FLNA: variants seen among roughly 807,000 people sequenced by gnomAD.
FLNA encodes the protein filamin A, also known as filamin-A.
FLNA carries 7 observed loss-of-function variants against 157.6 expected under a neutral mutation model. The ratio of observed to expected loss-of-function variants is 0.04; its 90% CI spans 0.03 to 0.08. The LOEUF is 0.08. Ranked by LOEUF, FLNA falls within the 10% of genes least tolerant of loss-of-function variation. The pLI is 1.00. For missense variants in FLNA, 1,750 were observed against 2,398.4 expected (o/e 0.73, Z 5.65); for synonymous variants, 1,103 against 1,060.8 (o/e 1.04, Z -0.77).
rs2067608382 is a variant in FLNA at position 154,350,196 on chromosome X, C to T, written c.7168G>A (p.Val2390Met). 1.7e-6 allele frequency: 2 copies of T among 1,211,601 alleles called. No individual in the cohort carries two copies. Among genetic ancestry groups the T allele is most frequent in the Non-Finnish European group, 2.2e-6 (2 of 895,260 alleles). Residue 2390 changes from valine (V) to methionine (M), a missense_variant, in exon 45 of 48, where the codon GTG becomes ATG. By Grantham distance (21) the Val-to-Met change is conservative. Transcript: ENST00000369850. Reference protein sequence around the residue: ...VTEIDQDKYAVRFIPRENGVY... With the variant: ...VTEIDQDKYAMRFIPRENGVY... The stretch of plus-strand genomic sequence containing the variant: ...CCATTCTCCCGAGGGATGAAGCGCA[C>T]AGCATACTTATCTGAGGAGCAGGGA...
At chrX:154,364,424 T>G (rs1557178708) in intron 13 of FLNA, 52 bp from the exon 14 acceptor site, 1 of 1,190,364 alleles carries the variant, frequency 8.4e-7, no homozygotes, top group East Asian at 3.0e-5. Context: ...CTGCCAGAGC[T>G]ACAACCCAGG....
Position 154,353,609 on chromosome X carries a change from T to C in FLNA, c.5805A>G (p.Leu1935=). 8.3e-7 allele frequency: 1 copy of C among 1,211,643 alleles called. No homozygotes were observed. Among genetic ancestry groups the C allele is most frequent in the African/African-American group, 1.7e-5 (1 of 57,896 alleles). The change falls in exon 36 of 48, where the codon CTA becomes CTG. Residue 1935 remains leucine (L), a synonymous_variant. Transcript: ENST00000369850. The stretch of plus-strand genomic sequence containing the variant: ...GGACGTGCTGTTCATTGTACTTGAC[T>C]AGAATGCTGTAGTCCCCCGGCAGCA... ...LPVLPGDYSI[L]VKYNEQHVPG... is the part of the protein sequence containing the mutation.
rs3819330 is a variant in FLNA at position 154,361,534 on chromosome X, T to C, written c.2981A>G (p.Lys994Arg). The C allele has an allele frequency of 5.5e-5, 66 of 1,209,576 alleles. 1 individual carries two copies. In the East Asian group the frequency reaches 1.9e-3, roughly 35 times the overall value. The change falls in exon 21 of 48, where the codon AAA (lysine) becomes AGA (arginine). Residue 994 changes from lysine (K) to arginine (R), a missense_variant. Around this residue, in one of 5 missense-constraint regions of FLNA, gnomAD observed 648 missense variants for 805.8 expected, o/e 0.80. Coordinates refer to ENST00000369850, the MANE Select transcript of FLNA (RefSeq NM_001110556.2). ...DVGKDQEFTV[K>R]SKGAGGQGKV... is the part of the protein sequence containing the mutation. ...GCCTTGACCACCAGCACCCTTTGAT[T>C]TGACTGTGAACTCCTGGTCTTTGCC...
rs782670070 is a variant in FLNA, at chrX:154,359,319, G to A, written c.4230C>T (p.Cys1410=). The part of the protein sequence containing the change: ...MSCMDNKDGS[C]SVEYIPYEAG... ...CCTCATAAGGGATGTACTCGACCGAGCAGCTGCCGTCCTTGTTATCCATGC... is the reference window on the plus strand; with the variant it reads ...CCTCATAAGGGATGTACTCGACCGAACAGCTGCCGTCCTTGTTATCCATGC... Residue 1410 remains cysteine, a synonymous_variant, in exon 25 of 48, where the codon TGC becomes TGT. Transcript: ENST00000369850. The A allele has an allele frequency of 8.3e-7, 1 of 1,211,275 alleles. No individual in the cohort carries two copies. Among genetic ancestry groups the A allele is most frequent in the African/African-American group, 1.7e-5 (1 of 57,948 alleles).
chrX:154,358,112 C>T (rs185707025), intron 28 of FLNA, 87 bp downstream of exon 28: 21 of 1,052,407 alleles, frequency 2.0e-5, no homozygotes, highest in East Asian at 6.1e-5. Context: ...GGTGCAGCTC[C>T]GCAGGGAGAT....
Position 154,352,565 on chromosome X carries a change from G to A in FLNA, c.6490C>T (p.Leu2164=). ...CCACAGCCCCTACCAGGGATTTTCA[G>A]GCTGAGGTCACAATGACTACCAACG... The part of the protein sequence containing the change: ...ANVGSHCDLS[L]KIPEISIQDM... The change falls in exon 40 of 48, where the codon CTG becomes TTG. Residue 2164 remains leucine (L), a synonymous_variant. Coordinates refer to ENST00000369850, the MANE Select transcript of FLNA (RefSeq NM_001110556.2). The A allele has an allele frequency of 8.3e-7, 1 of 1,211,782 alleles. No homozygotes were observed. The highest frequency in any genetic ancestry group is 1.1e-6 in the Non-Finnish European group (1 of 895,600).
Position 154,359,283 on chromosome X carries a change from G to A in FLNA, c.4266C>T (p.Tyr1422=). 8.3e-7 allele frequency: 1 copy of A among 1,211,420 alleles called. No individual in the cohort carries two copies. The highest frequency in any genetic ancestry group is 1.1e-6 in the Non-Finnish European group (1 of 895,538). ...VEYIPYEAGT[Y]SLNVTYGGHQ... is the part of the protein sequence containing the mutation. ...GGCCACCATAGGTGACGTTGAGGCT[G>A]TAGGTGCCAGCCTCATAAGGGATGT... is the stretch of plus-strand genomic sequence containing the variant. The change falls in exon 25 of 48, where the codon TAC becomes TAT. Residue 1422 remains tyrosine (Y), a synonymous_variant. Transcript: ENST00000369850.
Position 154,366,670 on chromosome X carries a change from C to G in FLNA, c.988-31G>C, listed in dbSNP as rs781787399. On this transcript the variant is annotated intron_variant, in intron 6 of 47. Transcript: ENST00000369850. Reference sequence around the variant, plus strand: ...GTGGGAAGGAGCCTGTGAGCCTTTGCTAAGAGCAGCCCCACTGAAAGGGAG... The same window carrying G: ...GTGGGAAGGAGCCTGTGAGCCTTTGGTAAGAGCAGCCCCACTGAAAGGGAG... The G allele has an allele frequency of 1.7e-5, 20 of 1,205,351 alleles. No individual in the cohort carries two copies. The South Asian group carries it at 3.5e-4, about 21-fold the overall frequency.
chrX:154,358,634 C>T (rs1254703635), intron 26 of FLNA, 66 bp from the exon 27 acceptor site: 10 of 1,162,626 alleles, frequency 8.6e-6, no homozygotes, highest in Non-Finnish European at 1.2e-5. Flanking sequence ...CCCCACCACA[C>T]TGGACGGCCA....
chrX:154,359,835 G>C lies in FLNA; in HGVS notation c.3876C>G (p.His1292Gln). 8.3e-7 allele frequency: 1 copy of C among 1,210,692 alleles called. No individual in the cohort carries two copies. The highest frequency in any genetic ancestry group is 1.1e-6 in the Non-Finnish European group (1 of 895,054). ...AGGGGTTGGCCACACGGGCCTTGAC[G>C]TGCGGCCCTCCGGTCTGTGTCAGAG... The part of the protein sequence containing the change: ...ARALTQTGGP[H>Q]VKARVANPSG... The change falls in exon 23 of 48, where the codon CAC becomes CAG. Residue 1292 changes from histidine to glutamine, a missense_variant. Physicochemically the swap from His to Gln is conservative, Grantham distance 24. Coordinates refer to ENST00000369850, the MANE Select transcript of FLNA (RefSeq NM_001110556.2).
At position 154,354,213 on chromosome X, in the gene FLNA, T is replaced by C. The variant is rs782803904; in HGVS notation, c.5495A>G (p.Tyr1832Cys). ...DNKDGTVTVR[Y>C]APSEAGLHEM... The stretch of plus-strand genomic sequence containing the variant: ...GTGCAGGCCAGCCTCGCTGGGTGCA[T>C]ACCGCACGGTCACGGTGCCGTCTTT... Residue 1832 changes from tyrosine (Y) to cysteine (C), a missense_variant, in exon 34 of 48, where the codon TAT becomes TGT. By Grantham distance (194) the Tyr-to-Cys change is radical (BLOSUM62 -2). Transcript: ENST00000369850. 3 of 1,211,507 alleles carry C rather than the reference T, an allele frequency of 2.5e-6. No homozygotes were observed. The highest frequency in any genetic ancestry group is 1.7e-5 in the African/African-American group (1 of 57,947).
chrX:154,363,135 G>A (rs923646008), intron 15 of FLNA, among the ~76,000 whole-genome samples: 6 of 112,451 alleles, frequency 5.3e-5, no homozygotes, highest in African/African-American at 1.3e-4. Context: ...TAAATGAAGC[G>A]GCCGGACGTG....
rs782696220 is a variant in FLNA, at chrX:154,366,618, C to T, written c.1009G>A (p.Asp337Asn). 1.7e-6 allele frequency: 2 copies of T among 1,211,730 alleles called. No individual in the cohort carries two copies. The highest frequency in any genetic ancestry group is 2.2e-6 in the Non-Finnish European group (2 of 895,275). ...CAGACGGAGAAGGTGCGGTTCTTGT[C>T]GTTATTGGCGGTCACTTTTGCCTGC... ...QEEAKVTANN[D>N]KNRTFSVWYV... The change falls in exon 7 of 48, where the codon GAC (aspartate) becomes AAC (asparagine). Residue 337 changes from aspartate (D) to asparagine (N), a missense_variant. By Grantham distance (23) the Asp-to-Asn change is conservative. Coordinates refer to ENST00000369850, the MANE Select transcript of FLNA (RefSeq NM_001110556.2).
intron 5 of FLNA, 93 bp downstream of exon 5, chrX:154,367,304 C>G: frequency 9.7e-7 from 1 of 1,031,556 alleles, no homozygotes; most frequent in Non-Finnish European, 1.3e-6. Context: ...GCCATGTAAC[C>G]CAAGACCCCT....
intron 13 of FLNA, 68 bp from the exon 14 acceptor site, chrX:154,364,440 T>G: frequency 8.4e-7 from 1 of 1,183,710 alleles, no homozygotes; most frequent in East Asian, 3.0e-5. Flanking sequence ...CCAGGCAGGG[T>G]GGCCAGGGAC....
chrX:154,367,789 G>A, intron 3 of FLNA, 51 bp from the exon 4 acceptor site: 1 of 1,210,457 alleles, frequency 8.3e-7, no homozygotes, highest in Non-Finnish European at 1.1e-6. Flanking sequence ...CCCCCTCAAG[G>A]GCCACCCATG....
chrX:154,361,065 A>AAAAAAAAAAAAAAAAAAG (rs2067704565), intron 21 of FLNA, among the ~76,000 whole-genome samples: 1 of 89,173 alleles, frequency 1.1e-5, no homozygotes, highest in African/African-American at 4.8e-5. Flanking sequence ...AAAAAAAAAA[A>AAAAAAAAAAAAAAAAAAG]AAAAAAAAAA....
At chrX:154,352,126 A>G in intron 41 of FLNA, 55 bp downstream of exon 41, 1 of 1,207,448 alleles carries the variant, frequency 8.3e-7, no homozygotes, top group Non-Finnish European at 1.1e-6. Flanking sequence ...CTCCACCCCC[A>G]ACCCCACCCT....
At chrX:154,351,126 C>G in intron 43 of FLNA, 85 bp from the exon 44 acceptor site, 3 of 1,069,781 alleles carry the variant, frequency 2.8e-6, no homozygotes, top group Non-Finnish European at 3.9e-6. Context: ...AAGAGGCCCG[C>G]GGGTCGCACT....
Sources: allele counts gnomAD v4.1 joint callset (sites outside exome capture counted in the v4.1 genomes callset), GRCh38; gene constraint gnomAD v4.1.1; regional missense constraint gnomAD v4.1.1; transcripts MANE v1.5; gene names NCBI Gene and HGNC (gene_info 2026-07-23, HGNC 2026-07-21).